The following SDC2 variants were observed in gnomAD, a reference collection of about 807,000 sequenced individuals.
SDC2 encodes syndecan-2.
Under a neutral mutation model 22.2 loss-of-function variants are expected in SDC2, and 13 were observed. The observed-to-expected ratio is 0.59, with a 90% CI of 0.38 to 0.93. SDC2 has a LOEUF of 0.93. Among genes scored for constraint, SDC2 ranks in the 40% least tolerant of loss-of-function variants. The probability of loss-of-function intolerance (pLI) is 0.00; values close to 1 mark genes in which losing one functional copy is unlikely to be tolerated. For missense variants in SDC2, 235 were observed against 246.8 expected, an observed-to-expected ratio of 0.95 and a Z score of 0.32; for synonymous variants, 94 against 92.8, an observed-to-expected ratio of 1.01 and a Z score of -0.07.
intron 1 of SDC2, among the ~76,000 whole-genome samples, chr8:96,502,344 C>T (rs370347323): frequency 6.6e-6 from 1 of 152,302 alleles, no homozygotes; most frequent in East Asian, 1.9e-4. Flanking sequence ...GGGATTATTA[C>T]AGTTCAAGGT....
intron 1 of SDC2, among the ~76,000 whole-genome samples, chr8:96,517,344 A>G (rs370221825): frequency 1.2e-4 from 18 of 152,212 alleles, no homozygotes; most frequent in Admixed American, 9.8e-4. Context: ...TATGAAGTCA[A>G]ACTTATCAGT....
At position 96,509,553 on chromosome 8, in the gene SDC2, C is replaced by T. The variant is rs1813298216; in HGVS notation, c.60+15222C>T. 1.4e-5 allele frequency among the ~76,000 whole-genome samples: 2 copies of T among 141,226 alleles called. 1 individual carries two copies. The highest frequency in any genetic ancestry group is 3.2e-5 in the Non-Finnish European group (2 of 61,992). The allele number at this position is 141,226 out of a possible 152,430, so 92.6% of individuals were successfully genotyped here. A position where few individuals can be genotyped will look rare whatever the true frequency, so the allele number is the denominator to read the frequency against. On this transcript the variant is annotated intron_variant, in intron 1 of 4. Transcript: ENST00000302190. ...CATATTCTCCATCACGGGTTTTCAG[C>T]CCTTGCTGCCGATTACATAAACTTG...
At chr8:96,580,690 C>T (rs1480598342) in intron 1 of SDC2, 2 of 186,136 alleles carry the variant, frequency 1.1e-5, no homozygotes, top group African/African-American at 4.8e-5. Flanking sequence ...CAGAGTTTAA[C>T]TCAGTAAGAC....
intron 1 of SDC2, among the ~76,000 whole-genome samples, chr8:96,574,672 G>A (rs554032591): frequency 1.2e-4 from 19 of 152,146 alleles, no homozygotes; most frequent in Admixed American, 1.3e-4. Context: ...TCATTTGACT[G>A]CTTTCTACTG....
chr8:96,515,892 A>G (rs10096276), intron 1 of SDC2, among the ~76,000 whole-genome samples: 18,373 of 152,076 alleles, frequency 0.12, 3,731 homozygotes, highest in African/African-American at 0.42. Context: ...CAGGTGGAAA[A>G]TACTGCCCAA....
intron 1 of SDC2, among the ~76,000 whole-genome samples, chr8:96,550,616 G>A (rs962395967): frequency 2.0e-5 from 3 of 152,070 alleles, no homozygotes; most frequent in Non-Finnish European, 4.4e-5. Context: ...GCTGGTTCCC[G>A]CTCAACACAC....
intron 1 of SDC2, among the ~76,000 whole-genome samples, chr8:96,536,647 T>C (rs1414856074): frequency 6.6e-6 from 1 of 152,212 alleles, no homozygotes; most frequent in African/African-American, 2.4e-5. Context: ...GTCATCATAT[T>C]TGAGTGCCTA....
At chr8:96,573,524 T>A (rs1253627724) in intron 1 of SDC2, among the ~76,000 whole-genome samples, 1 of 151,948 alleles carries the variant, frequency 6.6e-6, no homozygotes, top group Admixed American at 6.6e-5. Context: ...TGACACACAA[T>A]TGCTCTACGA....
intron 1 of SDC2, among the ~76,000 whole-genome samples, chr8:96,530,674 A>G (rs2243445): frequency 0.61 from 93,140 of 152,058 alleles, 29,144 homozygotes; most frequent in Non-Finnish European, 0.66. Context: ...CTAAAATATA[A>G]GTTACTTTCT....
At chr8:96,510,724 A>G (rs937464121) in intron 1 of SDC2, among the ~76,000 whole-genome samples, 1 of 152,218 alleles carries the variant, frequency 6.6e-6, no homozygotes, top group South Asian at 2.1e-4. Flanking sequence ...ACTATGATTC[A>G]TAGGCTTTTA....
rs574153280 is a variant in SDC2, at chr8:96,495,423, C to G, written c.60+1092C>G. Among the ~76,000 whole-genome samples, 9 of 152,320 alleles carry G rather than the reference C, an allele frequency of 5.9e-5. No homozygotes were observed. In the South Asian group the frequency reaches 1.9e-3, roughly 32 times the overall value. On this transcript the variant is annotated intron_variant, in intron 1 of 4. Transcript: ENST00000302190. The stretch of plus-strand genomic sequence containing the variant: ...CTCCTTGGCCTCCTCTCGTCCGCAG[C>G]TGCCTCCACCTGGGCGCCAGGAGCT...
In SDC2 at chr8:96,559,767, A is replaced by G. The variant is rs548317002; in HGVS notation, c.61-33713A>G. On this transcript the variant is annotated intron_variant, in intron 1 of 4. Coordinates refer to ENST00000302190, the MANE Select transcript of SDC2 (RefSeq NM_002998.4). ...TCAAGAATTCTTCAGCAGAATTCTA[A>G]CCAAGTGTGGAATCCATCCAGGAAT... 2.6e-5 allele frequency among the ~76,000 whole-genome samples: 4 copies of G among 152,340 alleles called. 1 individual carries two copies. The highest frequency in any genetic ancestry group is 9.6e-5 in the African/African-American group (4 of 41,582).
At chr8:96,570,032 C>G (rs775420948) in intron 1 of SDC2, among the ~76,000 whole-genome samples, 6 of 152,222 alleles carry the variant, frequency 3.9e-5, no homozygotes, top group South Asian at 2.1e-4. Context: ...TGATCTAACA[C>G]GCAGGATGCT....
At position 96,582,654 on chromosome 8, in the gene SDC2, CATTACAAACAGGT is replaced by C. The variant is rs538979589; in HGVS notation, c.61-10825_61-10813del. ...TGTAATCAGCAGAAGGAGAGGCTGC[CATTACAAACAGGT>C]GAGTTAGGTGTAATAGATTGGACGC... On this transcript the variant is annotated intron_variant, in intron 1 of 4. Transcript: ENST00000302190. Among the ~76,000 whole-genome samples, 255 of 152,268 alleles carry C rather than the reference CATTACAAACAGGT, an allele frequency of 1.7e-3. 1 individual carries two copies. The highest frequency in any genetic ancestry group is 2.2e-3 in the Non-Finnish European group (147 of 68,020).
chr8:96,543,065 T>G (rs993881314), intron 1 of SDC2, among the ~76,000 whole-genome samples: 41 of 152,172 alleles, frequency 2.7e-4, no homozygotes, highest in African/African-American at 7.7e-4. Flanking sequence ...CATTTAGATG[T>G]TTTTTGGATG....
chr8:96,609,266 T>G (rs933612262), intron 4 of SDC2, 119 bp from the exon 5 acceptor site: 9 of 765,906 alleles, frequency 1.2e-5, no homozygotes, highest in Middle Eastern at 3.8e-4. Context: ...GCTTTTTTTT[T>G]ATTGGGGTTT....
At chr8:96,570,249 T>A (rs1009683448) in intron 1 of SDC2, among the ~76,000 whole-genome samples, 4 of 152,198 alleles carry the variant, frequency 2.6e-5, no homozygotes, top group Non-Finnish European at 5.9e-5. Context: ...TTAGTCTTCC[T>A]GTACAAAGGG....
At chr8:96,507,810 TTTTAC>T (rs1247095001) in intron 1 of SDC2, among the ~76,000 whole-genome samples, 1 of 152,202 alleles carries the variant, frequency 6.6e-6, no homozygotes, top group African/African-American at 2.4e-5. Context: ...AGAAGTGCTT[TTTTAC>T]CCAATTCCTT....
intron 3 of SDC2, among the ~76,000 whole-genome samples, chr8:96,604,536 G>T (rs1348210461): frequency 6.6e-6 from 1 of 152,070 alleles, no homozygotes; most frequent in Non-Finnish European, 1.5e-5. Flanking sequence ...TTTTCATTTT[G>T]CTGTTTATGT....
Sources: allele counts gnomAD v4.1 joint callset (sites outside exome capture counted in the v4.1 genomes callset), GRCh38; gene constraint gnomAD v4.1.1; transcripts MANE v1.5; gene names NCBI Gene and HGNC (gene_info 2026-07-23, HGNC 2026-07-21).